MDFIC: variants seen among roughly 807,000 people sequenced by gnomAD.
MDFIC encodes myoD family inhibitor domain-containing protein.
In MDFIC, 17 loss-of-function variants were observed where a neutral mutation model predicts 23.2. The observed-to-expected ratio is 0.73, with a 90% CI of 0.50 to 1.10. The LOEUF is 1.10. MDFIC is among the 50% of genes least tolerant of loss of function. MDFIC has a pLI of 0.00. For missense variants in MDFIC, 356 were observed against 316.6 expected (o/e 1.12, Z -0.95); for synonymous variants, 120 against 115.2 (o/e 1.04, Z -0.27).
At chr7:114,995,258 T>C (rs1052333996) in intron 4 of MDFIC, among the ~76,000 whole-genome samples, 2 of 152,204 alleles carry the variant, frequency 1.3e-5, no homozygotes, top group Admixed American at 6.5e-5. Context: ...CTAATCTTTT[T>C]TCAAGGTTTT....
chr7:114,970,602 C>T (rs540993114), intron 3 of MDFIC, among the ~76,000 whole-genome samples: 15 of 152,208 alleles, frequency 9.9e-5, no homozygotes, highest in Middle Eastern at 3.4e-3. Flanking sequence ...TGGGTTGCTG[C>T]GCCTTCCCCA....
At chr7:114,939,997 T>C (rs1792507071) in intron 2 of MDFIC, among the ~76,000 whole-genome samples, 1 of 152,132 alleles carries the variant, frequency 6.6e-6, no homozygotes. Flanking sequence ...TCTCTTTTAT[T>C]GATAATCTCA....
rs1452026072 is a variant in MDFIC at position 115,017,702 on chromosome 7, A to G, written c.*1767A>G. On this transcript the variant is annotated 3_prime_UTR_variant, in exon 5 of 5. Coordinates refer to ENST00000393486, the MANE Select transcript of MDFIC (RefSeq NM_001166345.3). Reference sequence around the variant, plus strand: ...GAAAGGGAGAGTAAATTTTCATACCATGCTCTCTCCTACTCAGTTTGATCT... The same window carrying G: ...GAAAGGGAGAGTAAATTTTCATACCGTGCTCTCTCCTACTCAGTTTGATCT... The G allele has an allele frequency of 4.6e-5, 7 of 152,460 alleles. No individual in the cohort carries two copies. The highest frequency in any genetic ancestry group is 8.8e-5 in the Non-Finnish European group (6 of 67,924). The allele number at this position is 152,460 out of a possible 1,614,324, so 9.4% of individuals were successfully genotyped here. A position where few individuals can be genotyped will look rare whatever the true frequency, so the allele number is the denominator to read the frequency against.
At position 114,923,094 on chromosome 7, in the gene MDFIC, G is replaced by T. The variant is rs1193473734; in HGVS notation, c.61G>T (p.Ala21Ser). The change falls in exon 2 of 5, where the codon GCG becomes TCG. Residue 21 changes from alanine (A) to serine (S), a missense_variant. Ala to Ser is a moderately conservative substitution (Grantham distance 99, BLOSUM62 1). Coordinates refer to ENST00000393486, the MANE Select transcript of MDFIC (RefSeq NM_001166345.3). Reference protein sequence around the residue: ...GPVGPQRVAEAGGGQLGSTAQ... With the variant: ...GPVGPQRVAESGGGQLGSTAQ... ...CGTGGGGCCGCAGCGCGTGGCCGAG[G>T]CGGGCGGCGGCCAGCTGGGCTCCAC... is the stretch of plus-strand genomic sequence containing the variant. The T allele has an allele frequency of 6.9e-7, 1 of 1,446,654 alleles. No individual in the cohort carries two copies. The highest frequency in any genetic ancestry group is 3.1e-5 in the East Asian group (1 of 32,306). 89.6% of individuals were successfully genotyped at this position (1,446,654 alleles called of 1,614,324 possible).
At chr7:114,979,897 G>A (rs1406939055) in intron 4 of MDFIC, 116 bp downstream of exon 4, 5 of 1,292,820 alleles carry the variant, frequency 3.9e-6, no homozygotes, top group Non-Finnish European at 5.5e-6. Context: ...AGACAAACAG[G>A]AATTTTGGTA....
At chr7:114,977,033 C>A (rs866678046) in intron 3 of MDFIC, among the ~76,000 whole-genome samples, 2 of 151,656 alleles carry the variant, frequency 1.3e-5, no homozygotes, top group African/African-American at 2.4e-5. Context: ...CTTATAATCG[C>A]GAACAGAAAA....
At position 115,019,453 on chromosome 7, in the gene MDFIC, C is replaced by T. The variant is rs760994034; in HGVS notation, c.*3518C>T. Among the ~76,000 whole-genome samples the T allele has an allele frequency of 1.3e-5, 2 of 151,980 alleles. No homozygotes were observed. Among genetic ancestry groups the T allele is most frequent in the African/African-American group, 2.4e-5 (1 of 41,384 alleles). On this transcript the variant is annotated 3_prime_UTR_variant, in exon 5 of 5. Transcript: ENST00000393486. ...TTTATCCATACAAACTCTTTCAGTG[C>T]CCTAGATTCTAATGTTATAAACGTC... is the stretch of plus-strand genomic sequence containing the variant.
intron 1 of MDFIC, 99 bp from the exon 2 acceptor site, chr7:114,922,828 T>C (rs764253306): frequency 2.1e-4 from 289 of 1,404,394 alleles, no homozygotes; most frequent in Non-Finnish European, 2.6e-4. Context: ...GGGGTGGAGT[T>C]TGAGGGAGGG....
At chr7:114,932,124 C>T (rs1016121279) in intron 2 of MDFIC, among the ~76,000 whole-genome samples, 5 of 151,998 alleles carry the variant, frequency 3.3e-5, no homozygotes, top group East Asian at 3.9e-4. Flanking sequence ...AATTATTAAG[C>T]GTGGGAAAGT....
intron 3 of MDFIC, among the ~76,000 whole-genome samples, chr7:114,944,094 G>T (rs1192866946): frequency 6.6e-6 from 1 of 152,062 alleles, no homozygotes; most frequent in African/African-American, 2.4e-5. Flanking sequence ...GGTTAAGTGG[G>T]TACCAATCTA....
rs1422684909 is a variant in MDFIC at position 114,922,415 on chromosome 7, GA to G, written c.-328del. On this transcript the variant is annotated 5_prime_UTR_variant, in exon 1 of 5. Transcript: ENST00000393486. ...GTGAGCTGGCTGGAAAGAGGGGGCG[GA>G]GTGCGCGGAGTCAGAGCCGCCACCG... 8.1e-7 allele frequency: 1 copy of G among 1,239,358 alleles called. No homozygotes were observed. The highest frequency in any genetic ancestry group is 1.0e-6 in the Non-Finnish European group (1 of 989,196). 76.8% of individuals were successfully genotyped at this position (1,239,358 alleles called of 1,614,324 possible).
At chr7:114,998,147 G>GA (rs1371180067) in intron 4 of MDFIC, among the ~76,000 whole-genome samples, 2 of 152,156 alleles carry the variant, frequency 1.3e-5, no homozygotes, top group Non-Finnish European at 2.9e-5. Flanking sequence ...AAGTTTTGGG[G>GA]AAAAATACAG....
chr7:114,958,513 G>A (rs1454303570), intron 3 of MDFIC, among the ~76,000 whole-genome samples: 2 of 152,214 alleles, frequency 1.3e-5, no homozygotes, highest in Non-Finnish European at 2.9e-5. Flanking sequence ...CACTTTGGGA[G>A]GCAGAGGCAG....
chr7:115,005,203 T>C (rs1223508010), intron 4 of MDFIC, among the ~76,000 whole-genome samples: 1 of 152,230 alleles, frequency 6.6e-6, no homozygotes, highest in Admixed American at 6.5e-5. Flanking sequence ...GTTCAAGATA[T>C]TCACTCAGGC....
chr7:115,002,423 A>G (rs1201870392), intron 4 of MDFIC, among the ~76,000 whole-genome samples: 3 of 152,182 alleles, frequency 2.0e-5, no homozygotes, highest in Admixed American at 2.0e-4. Context: ...GAACTTCAAT[A>G]TGTCCCAAAT....
At chr7:114,944,442 A>C (rs1372347492) in intron 3 of MDFIC, among the ~76,000 whole-genome samples, 1 of 152,234 alleles carries the variant, frequency 6.6e-6, no homozygotes, top group East Asian at 1.9e-4. Context: ...ACACTTTTCT[A>C]GACAAAGTCT....
chr7:114,931,955 T>C (rs1792315939), intron 2 of MDFIC, among the ~76,000 whole-genome samples: 1 of 152,208 alleles, frequency 6.6e-6, no homozygotes, highest in Non-Finnish European at 1.5e-5. Context: ...GTCCTCCTAC[T>C]CTTTTTCAAG....
intron 4 of MDFIC, among the ~76,000 whole-genome samples, chr7:114,987,861 G>A (rs1217257434): frequency 2.0e-5 from 3 of 151,860 alleles, no homozygotes; most frequent in African/African-American, 7.3e-5. Context: ...GTTTCTGTAG[G>A]GCCAAAAGTA....
intron 3 of MDFIC, among the ~76,000 whole-genome samples, chr7:114,945,439 T>A (rs970060986): frequency 6.6e-6 from 1 of 152,092 alleles, no homozygotes; most frequent in African/African-American, 2.4e-5. Context: ...ACTTGGTTCA[T>A]GCTCTACACA....
Sources: allele counts gnomAD v4.1 joint callset (sites outside exome capture counted in the v4.1 genomes callset), GRCh38; gene constraint gnomAD v4.1.1; transcripts MANE v1.5; gene names NCBI Gene and HGNC (gene_info 2026-07-23, HGNC 2026-07-21).